The following VPS54 variants were observed in gnomAD, a reference collection of about 807,000 sequenced individuals.
The protein encoded by VPS54 is vacuolar protein sorting-associated protein 54.
A neutral mutation model predicts 121.5 loss-of-function variants in VPS54; 45 were observed. That is an observed-to-expected ratio of 0.37 (90% confidence interval 0.29 to 0.47). VPS54 has a LOEUF of 0.47. VPS54 is among the 20% of genes least tolerant of loss of function. The pLI is 0.99. For synonymous variants in VPS54, 371 were observed against 385.8 expected, an observed-to-expected ratio of 0.96 and a Z score of 0.45; for missense variants, 1,090 against 1,131.4, an observed-to-expected ratio of 0.96 and a Z score of 0.52.
chr2:63,922,217 T>A (rs1000770288), intron 12 of VPS54, among the ~76,000 whole-genome samples: 2 of 152,188 alleles, frequency 1.3e-5, no homozygotes, highest in Non-Finnish European at 2.9e-5. Flanking sequence ...AACTTTCTAT[T>A]TTTAAACATT....
At chr2:64,005,161 T>C (rs572559852) in intron 1 of VPS54, among the ~76,000 whole-genome samples, 1,462 of 125,846 alleles carry the variant, frequency 0.012, 15 homozygotes, top group Middle Eastern at 0.023. Flanking sequence ...CAGATTGCAG[T>C]GGCACAATCT....
chr2:63,920,539 C>T lies in VPS54; in HGVS notation c.1958G>A (p.Cys653Tyr), dbSNP rs933112440. The T allele has an allele frequency of 1.3e-6, 2 of 1,587,926 alleles. No individual in the cohort carries two copies. The highest frequency in any genetic ancestry group is 2.7e-5 in the African/African-American group (2 of 72,800). ...AAGTAATGACGTGCTTTTTCTTCCA[C>T]AGATCTGTTCGGTGTCTAAAATGAA... ...ETFILDTEQI[C>Y]GRKSTSLLGA... is the part of the protein sequence containing the mutation. The change falls in exon 14 of 23, where the codon TGT (cysteine) becomes TAT (tyrosine). Residue 653 changes from cysteine to tyrosine, a missense_variant. Around this residue, in one of 2 missense-constraint regions of VPS54, gnomAD observed 801 missense variants for 757.0 expected, o/e 1.06. Transcript: ENST00000272322.
chr2:63,970,346 C>T (rs1279729457), intron 4 of VPS54, among the ~76,000 whole-genome samples: 1 of 110,878 alleles, frequency 9.0e-6, no homozygotes, highest in East Asian at 2.2e-4. Flanking sequence ...GAGGGAAGGG[C>T]AGGACCTCAG....
chr2:63,947,607 G>A, intron 8 of VPS54, 117 bp from the exon 9 acceptor site: 3 of 899,188 alleles, frequency 3.3e-6, no homozygotes, highest in Non-Finnish European at 3.1e-6. Context: ...CCTGCACAAA[G>A]TATTTTCTAG....
At chr2:64,015,854 A>T (rs2104716138) in intron 1 of VPS54, among the ~76,000 whole-genome samples, 1 of 152,334 alleles carries the variant, frequency 6.6e-6, no homozygotes, top group South Asian at 2.1e-4. Flanking sequence ...GGATTTTGTA[A>T]CATGGGTTTC....
chr2:63,948,400 T>C (rs1363481339), intron 8 of VPS54, among the ~76,000 whole-genome samples: 1 of 149,058 alleles, frequency 6.7e-6, no homozygotes, highest in Non-Finnish European at 1.5e-5. Flanking sequence ...CATATGATAA[T>C]GATCACTTTT....
intron 11 of VPS54, among the ~76,000 whole-genome samples, chr2:63,939,554 C>T (rs1225523404): frequency 6.6e-6 from 1 of 152,054 alleles, no homozygotes; most frequent in Non-Finnish European, 1.5e-5. Flanking sequence ...AACAAAACAA[C>T]TTTTTCTGAT....
At chr2:63,932,386 T>C (rs1427562798) in intron 12 of VPS54, among the ~76,000 whole-genome samples, 1 of 152,118 alleles carries the variant, frequency 6.6e-6, no homozygotes, top group East Asian at 1.9e-4. Flanking sequence ...AAACCATCAT[T>C]CTCAGCAAAC....
At chr2:63,930,183 T>C (rs962541103) in intron 12 of VPS54, among the ~76,000 whole-genome samples, 2 of 152,142 alleles carry the variant, frequency 1.3e-5, no homozygotes, top group African/African-American at 4.8e-5. Context: ...ATTATCCTGA[T>C]ACCAAAGCCT....
chr2:63,921,138 A>C, intron 13 of VPS54, 68 bp downstream of exon 13: 1 of 1,498,070 alleles, frequency 6.7e-7, no homozygotes, highest in Non-Finnish European at 9.0e-7. Flanking sequence ...CACAGGAAGC[A>C]AAGACATAAT....
At chr2:63,947,537 T>C in intron 8 of VPS54, 47 bp from the exon 9 acceptor site, 2 of 1,338,692 alleles carry the variant, frequency 1.5e-6, no homozygotes, top group Non-Finnish European at 2.0e-6. Context: ...TATGAAGTAA[T>C]TTTACTTAGA....
At chr2:64,012,930 A>G (rs184890257) in intron 1 of VPS54, among the ~76,000 whole-genome samples, 14 of 152,320 alleles carry the variant, frequency 9.2e-5, no homozygotes, top group Non-Finnish European at 1.6e-4. Flanking sequence ...CCTGACCTCA[A>G]TGCCCTGAAA....
At chr2:64,012,437 G>A (rs1263535737) in intron 1 of VPS54, among the ~76,000 whole-genome samples, 3 of 140,298 alleles carry the variant, frequency 2.1e-5, no homozygotes, top group South Asian at 2.2e-4. Flanking sequence ...ACAACGCAAG[G>A]CTCAAAAAGT....
intron 3 of VPS54, among the ~76,000 whole-genome samples, chr2:63,973,913 T>C (rs1676400785): frequency 6.6e-6 from 1 of 152,218 alleles, no homozygotes; most frequent in South Asian, 2.1e-4. Flanking sequence ...TTTTTCATTC[T>C]CTTAAAGGTG....
chr2:63,915,151 C>CAAAAAAAAA (rs5831674), intron 16 of VPS54, among the ~76,000 whole-genome samples: 2 of 23,852 alleles, frequency 8.4e-5, no homozygotes, highest in Non-Finnish European at 1.7e-4. Context: ...AGCTCCGTCT[C>CAAAAAAAAA]AAAAAAAAAA....
chr2:63,925,625 T>G (rs1380784398), intron 12 of VPS54, among the ~76,000 whole-genome samples: 1 of 152,174 alleles, frequency 6.6e-6, no homozygotes, highest in Admixed American at 6.5e-5. Flanking sequence ...ATACATACAT[T>G]GTGGTGTATC....
chr2:63,983,859 A>C lies in VPS54; in HGVS notation c.136+5T>G, dbSNP rs1676916642. 1 of 1,584,160 alleles carries C rather than the reference A, an allele frequency of 6.3e-7. No individual in the cohort carries two copies. The highest frequency in any genetic ancestry group is 1.4e-5 in the African/African-American group (1 of 73,208). ...TAAAAATCCTACAAAAAAAAAAAGC[A>C]TTACCTGTGGGTTCCTTGGGACACA... On this transcript the variant is annotated splice_donor_5th_base_variant and intron_variant, in intron 2 of 22. Coordinates refer to ENST00000272322, the MANE Select transcript of VPS54 (RefSeq NM_016516.3).
intron 1 of VPS54, among the ~76,000 whole-genome samples, chr2:63,996,945 T>A (rs1677625913): frequency 6.6e-6 from 1 of 152,164 alleles, no homozygotes. Flanking sequence ...TCCCTCCCCT[T>A]TGAAAATTGC....
intron 7 of VPS54, among the ~76,000 whole-genome samples, chr2:63,954,571 G>C (rs1675405987): frequency 6.6e-6 from 1 of 152,006 alleles, no homozygotes; most frequent in Admixed American, 6.6e-5. Flanking sequence ...AAGAAAGTGG[G>C]ATAGAATTAG....
Sources: allele counts gnomAD v4.1 joint callset (sites outside exome capture counted in the v4.1 genomes callset), GRCh38; gene constraint gnomAD v4.1.1; regional missense constraint gnomAD v4.1.1; transcripts MANE v1.5; gene names NCBI Gene and HGNC (gene_info 2026-07-23, HGNC 2026-07-21).